The following EFCAB6 variants were observed in gnomAD, a reference collection of about 807,000 sequenced individuals.
EFCAB6 encodes EF-hand calcium binding domain 6, also known as EF-hand calcium-binding domain-containing protein 6.
A neutral mutation model predicts 169.8 loss-of-function variants in EFCAB6; 156 were observed. That is an observed-to-expected ratio of 0.92 (90% CI 0.81 to 1.05). The LOEUF is 1.05. EFCAB6 is among the 50% of genes least tolerant of loss of function. The pLI is 0.00. For synonymous variants in EFCAB6, 698 were observed against 676.4 expected, an observed-to-expected ratio of 1.03 and a Z score of -0.50; for missense variants, 1,800 against 1,829.1, an observed-to-expected ratio of 0.98 and a Z score of 0.29.
Position 43,806,118 on chromosome 22 carries a change from A to T in EFCAB6, c.-8+2877T>A, listed in dbSNP as rs148200995. Reference sequence around the variant, plus strand: ...GAGGTGAAAGTTGCAGTGAGCCGAGATCATACCACTGCACTCCAGCCTGGG... The same window carrying T: ...GAGGTGAAAGTTGCAGTGAGCCGAGTTCATACCACTGCACTCCAGCCTGGG... On this transcript the variant is annotated intron_variant, in intron 2 of 31. Coordinates refer to ENST00000262726, the MANE Select transcript of EFCAB6 (RefSeq NM_022785.4). Among the ~76,000 whole-genome samples, 1,284 of 145,254 alleles carry T rather than the reference A, an allele frequency of 8.8e-3. 19 individuals carry two copies. The highest frequency in any genetic ancestry group is 0.032 in the African/African-American group (1,239 of 39,200).
intron 17 of EFCAB6, among the ~76,000 whole-genome samples, chr22:43,639,629 G>A (rs12168357): frequency 6.6e-6 from 1 of 151,936 alleles, no homozygotes; most frequent in South Asian, 2.1e-4. Context: ...TATTTTCTTT[G>A]TAATATCCTA....
At chr22:43,690,559 G>C (rs2058374898) in intron 10 of EFCAB6, among the ~76,000 whole-genome samples, 1 of 150,460 alleles carries the variant, frequency 6.6e-6, no homozygotes, top group South Asian at 2.1e-4. Context: ...TTACTCTCTT[G>C]CTTAAAATCT....
At chr22:43,597,570 G>C (rs1398127062) in intron 23 of EFCAB6, among the ~76,000 whole-genome samples, 2 of 152,154 alleles carry the variant, frequency 1.3e-5, no homozygotes, top group Non-Finnish European at 2.9e-5. Context: ...AGTTAGAATA[G>C]CCATCATCAA....
intron 2 of EFCAB6, among the ~76,000 whole-genome samples, chr22:43,808,011 C>T (rs1461101894): frequency 1.3e-5 from 2 of 152,160 alleles, no homozygotes; most frequent in Non-Finnish European, 2.9e-5. Flanking sequence ...TCAGTTTCCT[C>T]ATTTGAAAAA....
intron 4 of EFCAB6, among the ~76,000 whole-genome samples, chr22:43,771,219 T>G (rs900120733): frequency 1.3e-5 from 2 of 152,088 alleles, no homozygotes; most frequent in African/African-American, 4.8e-5. Flanking sequence ...TCACTTGAGG[T>G]CAGGAACTCG....
chr22:43,731,401 G>A (rs913393673), intron 8 of EFCAB6, among the ~76,000 whole-genome samples: 1 of 152,060 alleles, frequency 6.6e-6, no homozygotes, highest in Admixed American at 6.5e-5. Flanking sequence ...GAGTATTTTG[G>A]AATATTTTCC....
chr22:43,604,575 C>G (rs1040571989), intron 22 of EFCAB6, among the ~76,000 whole-genome samples: 1 of 152,176 alleles, frequency 6.6e-6, no homozygotes, highest in East Asian at 1.9e-4. Flanking sequence ...TTTTAAAACC[C>G]TTTCCCATCT....
chr22:43,710,788 C>CA (rs2059132645), intron 10 of EFCAB6, among the ~76,000 whole-genome samples: 1 of 152,166 alleles, frequency 6.6e-6, no homozygotes, highest in African/African-American at 2.4e-5. Flanking sequence ...TTGTCCCCCC[C>CA]ACTCCCCACA....
At chr22:43,550,408 A>C (rs1441518314) in intron 27 of EFCAB6, among the ~76,000 whole-genome samples, 1 of 152,202 alleles carries the variant, frequency 6.6e-6, no homozygotes, top group Non-Finnish European at 1.5e-5. Context: ...GCGGTGGCTC[A>C]TGCCTGTCAT....
At chr22:43,615,743 A>T in intron 21 of EFCAB6, 83 bp downstream of exon 21, 1 of 1,235,280 alleles carries the variant, frequency 8.1e-7, no homozygotes, top group Non-Finnish European at 1.1e-6. Context: ...TAGCGTCTGG[A>T]TCTGAACAGC....
chr22:43,542,175 T>G (rs957335915), intron 27 of EFCAB6, among the ~76,000 whole-genome samples: 1 of 152,194 alleles, frequency 6.6e-6, no homozygotes, highest in Non-Finnish European at 1.5e-5. Context: ...TCGGTGTGCA[T>G]GCTGACAGAT....
chr22:43,529,907 T>C (rs889737672), intron 31 of EFCAB6, among the ~76,000 whole-genome samples: 1 of 152,226 alleles, frequency 6.6e-6, no homozygotes, highest in Non-Finnish European at 1.5e-5. Context: ...CCTCATAGTA[T>C]ATAAAGATGA....
intron 17 of EFCAB6, among the ~76,000 whole-genome samples, chr22:43,656,595 A>C (rs1477179225): frequency 6.6e-6 from 1 of 152,182 alleles, no homozygotes; most frequent in Non-Finnish European, 1.5e-5. Context: ...AGATACACAA[A>C]TACTTATCAT....
At chr22:43,562,589 G>T (rs1318980723) in intron 26 of EFCAB6, among the ~76,000 whole-genome samples, 3 of 111,772 alleles carry the variant, frequency 2.7e-5, no homozygotes, top group South Asian at 3.7e-4. Flanking sequence ...CCGGTGGGGG[G>T]TTGGAGGGAG....
chr22:43,671,995 A>G lies in EFCAB6; in HGVS notation c.1618T>C (p.Leu540=). Residue 540 remains leucine (L), a synonymous_variant, in exon 15 of 32, where the codon TTA becomes CTA. Coordinates refer to ENST00000262726, the MANE Select transcript of EFCAB6 (RefSeq NM_022785.4). ...KKIMHVFCPF[L]TNAHFIKLCS... ...TACTTTATGAAATGTGCATTCGTTA[A>G]AAATGGACAGAAGACGTGCATGATT... 1 of 1,613,224 alleles carries G rather than the reference A, an allele frequency of 6.2e-7. No individual in the cohort carries two copies. Among genetic ancestry groups the G allele is most frequent in the Non-Finnish European group, 8.5e-7 (1 of 1,179,836 alleles).
In EFCAB6 at chr22:43,613,796, T is replaced by C. The variant is rs115719841; in HGVS notation, c.2562+2030A>G. Among the ~76,000 whole-genome samples the C allele has an allele frequency of 9.3e-3, 1,414 of 152,148 alleles. 23 individuals are homozygous for C. Among genetic ancestry groups the C allele is most frequent in the African/African-American group, 0.033 (1,352 of 41,516 alleles). Reference sequence around the variant, plus strand: ...AAAGAAAACTACAATACCATTTACATTAGCACCCCCCAAAATGAAATATTT... The same window carrying C: ...AAAGAAAACTACAATACCATTTACACTAGCACCCCCCAAAATGAAATATTT... On this transcript the variant is annotated intron_variant, in intron 21 of 31. Coordinates refer to ENST00000262726, the MANE Select transcript of EFCAB6 (RefSeq NM_022785.4).
intron 17 of EFCAB6, among the ~76,000 whole-genome samples, chr22:43,636,609 C>CTTTTTTTTTTTTTTTTTTT (rs907909699): frequency 7.9e-6 from 1 of 126,300 alleles, no homozygotes; most frequent in Non-Finnish European, 1.7e-5. Flanking sequence ...CAGTTCTTTT[C>CTTTTTTTTTTTTTTTTTTT]TTTTTTTTTT....
In EFCAB6 at chr22:43,555,061, G is replaced by A. The variant is rs1417901217; in HGVS notation, c.3456C>T (p.Gly1152=). ...TGGCCTTGGGAGAGGTAGGCGGCGGGCCTTTGGGCATTTTCTCAGCCCACT... is the reference window on the plus strand; with the variant it reads ...TGGCCTTGGGAGAGGTAGGCGGCGGACCTTTGGGCATTTTCTCAGCCCACT... ...ADEWAEKMPK[G]PPPTSPKATA... The change falls in exon 27 of 32, where the codon GGC becomes GGT. Residue 1152 remains glycine, a synonymous_variant. Transcript: ENST00000262726. 1.2e-6 allele frequency: 2 copies of A among 1,614,102 alleles called. No individual in the cohort carries two copies. Among genetic ancestry groups the A allele is most frequent in the African/African-American group, 2.7e-5 (2 of 74,932 alleles).
chr22:43,705,254 G>A (rs940576148), intron 10 of EFCAB6, among the ~76,000 whole-genome samples: 1 of 152,018 alleles, frequency 6.6e-6, no homozygotes, highest in Admixed American at 6.5e-5. Context: ...CTGAAGGGAA[G>A]GTCAGATTGC....
Sources: allele counts gnomAD v4.1 joint callset (sites outside exome capture counted in the v4.1 genomes callset), GRCh38; gene constraint gnomAD v4.1.1; transcripts MANE v1.5; gene names NCBI Gene and HGNC (gene_info 2026-07-23, HGNC 2026-07-21).